ZNF804B: variants seen among roughly 807,000 people sequenced by gnomAD.
ZNF804B encodes the protein zinc finger 804B.
In ZNF804B, 80 loss-of-function variants were observed where a neutral mutation model predicts 101.4. The observed-to-expected ratio is 0.79, with a 90% CI of 0.66 to 0.95. The LOEUF is 0.95. Among genes scored for constraint, ZNF804B ranks in the 40% least tolerant of loss-of-function variants. ZNF804B has a pLI of 0.00. For missense variants in ZNF804B, 1,673 were observed against 1,561.9 expected, an observed-to-expected ratio of 1.07 and a Z score of -1.20; for synonymous variants, 622 against 558.8, an observed-to-expected ratio of 1.11 and a Z score of -1.59.
chr7:88,852,286 A>T (rs908709208), intron 1 of ZNF804B, among the ~76,000 whole-genome samples: 2 of 152,064 alleles, frequency 1.3e-5, no homozygotes, highest in African/African-American at 4.8e-5. Context: ...GTAATGTTAG[A>T]TATATTTCTT....
chr7:89,025,169 A>G (rs1348310116), intron 1 of ZNF804B, among the ~76,000 whole-genome samples: 1 of 152,124 alleles, frequency 6.6e-6, no homozygotes, highest in Non-Finnish European at 1.5e-5. Flanking sequence ...AGTTTGAGTT[A>G]GCAGAACTCA....
At chr7:88,796,070 G>T (rs1790478438) in intron 1 of ZNF804B, among the ~76,000 whole-genome samples, 1 of 152,066 alleles carries the variant, frequency 6.6e-6, no homozygotes, top group Non-Finnish European at 1.5e-5. Context: ...GTGAATATAT[G>T]ATGAGAAAGT....
intron 1 of ZNF804B, among the ~76,000 whole-genome samples, chr7:88,760,483 A>G (rs1479399187): frequency 6.6e-6 from 1 of 152,192 alleles, no homozygotes; most frequent in African/African-American, 2.4e-5. Flanking sequence ...AGATTAGTTT[A>G]ATAATGCTAC....
chr7:88,794,081 T>C, intron 1 of ZNF804B: 1 of 919,426 alleles, frequency 1.1e-6, no homozygotes, highest in Admixed American at 3.0e-5. Context: ...TATTGCAATG[T>C]TCTGTTTCTT....
chr7:89,204,094 G>T (rs1409156834), intron 1 of ZNF804B, among the ~76,000 whole-genome samples: 1 of 152,080 alleles, frequency 6.6e-6, no homozygotes, highest in African/African-American at 2.4e-5. Context: ...AAAGAAAAAT[G>T]GTTTGTAACT....
chr7:88,957,384 G>A (rs553154418), intron 1 of ZNF804B, among the ~76,000 whole-genome samples: 9 of 151,352 alleles, frequency 5.9e-5, no homozygotes, highest in Non-Finnish European at 7.4e-5. Context: ...CTTCAAGGCA[G>A]AATAAAGAGG....
chr7:88,913,737 A>G (rs1792587669), intron 1 of ZNF804B, among the ~76,000 whole-genome samples: 1 of 152,198 alleles, frequency 6.6e-6, no homozygotes, highest in African/African-American at 2.4e-5. Flanking sequence ...ACTCTTAAAC[A>G]GTGTGTTGTC....
At chr7:88,953,650 G>C (rs1793258006) in intron 1 of ZNF804B, among the ~76,000 whole-genome samples, 1 of 151,550 alleles carries the variant, frequency 6.6e-6, no homozygotes, top group Non-Finnish European at 1.5e-5. Context: ...ATAGAGCTTG[G>C]TTATCTGTTT....
At chr7:88,919,514 T>C (rs1792688690) in intron 1 of ZNF804B, among the ~76,000 whole-genome samples, 1 of 152,130 alleles carries the variant, frequency 6.6e-6, no homozygotes, top group Non-Finnish European at 1.5e-5. Flanking sequence ...AAGCACTCTC[T>C]ATTAAAACAA....
At chr7:89,060,068 G>C (rs1488333263) in intron 1 of ZNF804B, among the ~76,000 whole-genome samples, 2 of 152,136 alleles carry the variant, frequency 1.3e-5, no homozygotes, top group East Asian at 3.9e-4. Context: ...CTGACTGAGA[G>C]TTACACCATT....
intron 1 of ZNF804B, among the ~76,000 whole-genome samples, chr7:89,203,986 A>G (rs1165921122): frequency 6.6e-6 from 1 of 152,162 alleles, no homozygotes; most frequent in African/African-American, 2.4e-5. Context: ...AAGGGAACAT[A>G]TTTGCAATCA....
At chr7:89,322,538 G>A (rs1456218893) in intron 2 of ZNF804B, among the ~76,000 whole-genome samples, 1 of 151,990 alleles carries the variant, frequency 6.6e-6, no homozygotes, top group East Asian at 1.9e-4. Flanking sequence ...AGAAAGACTG[G>A]TGAATAATAT....
chr7:89,074,477 C>T (rs1268049235), intron 1 of ZNF804B, among the ~76,000 whole-genome samples: 1 of 152,108 alleles, frequency 6.6e-6, no homozygotes, highest in Non-Finnish European at 1.5e-5. Flanking sequence ...AGTTTCCTTG[C>T]ACAAGCTCTC....
chr7:88,772,562 G>A (rs2115635260), intron 1 of ZNF804B, among the ~76,000 whole-genome samples: 1 of 152,318 alleles, frequency 6.6e-6, no homozygotes, highest in South Asian at 2.1e-4. Flanking sequence ...GGTCTTAGAA[G>A]TAGACCAAAT....
chr7:88,946,976 C>T (rs541758169), intron 1 of ZNF804B, among the ~76,000 whole-genome samples: 155 of 152,000 alleles, frequency 1.0e-3, no homozygotes, highest in African/African-American at 3.3e-3. Context: ...TACCATCTCA[C>T]GCCAGTTAGA....
intron 1 of ZNF804B, among the ~76,000 whole-genome samples, chr7:88,964,668 A>T (rs939215497): frequency 4.0e-5 from 6 of 151,520 alleles, no homozygotes; most frequent in African/African-American, 1.2e-4. Flanking sequence ...CAACAGTTAA[A>T]TGGTGAAGTT....
intron 1 of ZNF804B, among the ~76,000 whole-genome samples, chr7:89,073,029 G>C (rs904646594): frequency 7.2e-5 from 11 of 152,066 alleles, no homozygotes; most frequent in Admixed American, 7.2e-4. Context: ...TTGAAATAAA[G>C]ACTGTTGACC....
At chr7:88,843,408 TATAA>T (rs761434080) in intron 1 of ZNF804B, among the ~76,000 whole-genome samples, 1 of 152,154 alleles carries the variant, frequency 6.6e-6, no homozygotes, top group African/African-American at 2.4e-5. Context: ...ATGATGTCAC[TATAA>T]ATAATTCTTA....
rs143984914 is a variant in ZNF804B at position 88,936,925 on chromosome 7, T to G, written c.108+176841T>G. Among the ~76,000 whole-genome samples the G allele has an allele frequency of 6.2e-4, 94 of 151,998 alleles. 3 individuals carry two copies. The East Asian group carries it at 0.016, about 27-fold the overall frequency. ...CTCTCTTGAGCTTCAACAATTACATTTAAGCTAGACTGAAAAATATAGCCA... is the reference window on the plus strand; with the variant it reads ...CTCTCTTGAGCTTCAACAATTACATGTAAGCTAGACTGAAAAATATAGCCA... On this transcript the variant is annotated intron_variant, in intron 1 of 3. Transcript: ENST00000333190.
Sources: allele counts gnomAD v4.1 joint callset (sites outside exome capture counted in the v4.1 genomes callset), GRCh38; gene constraint gnomAD v4.1.1; transcripts MANE v1.5; gene names NCBI Gene and HGNC (gene_info 2026-07-23, HGNC 2026-07-21).